Variants in OSTN observed in about 807,000 individuals in gnomAD.
OSTN encodes the protein osteocrin.
Under a neutral mutation model 12.0 loss-of-function variants are expected in OSTN, and 9 were observed. That is an observed-to-expected ratio of 0.75 (90% CI 0.45 to 1.30). OSTN has a LOEUF of 1.30. Among genes scored for constraint, OSTN ranks in the 50% most tolerant of loss-of-function variants. The probability of loss-of-function intolerance (pLI) is 0.00; values close to 1 mark genes in which losing one functional copy is unlikely to be tolerated. For missense variants in OSTN, 148 were observed against 152.3 expected (o/e 0.97, Z 0.15); for synonymous variants, 59 against 56.9 (o/e 1.04, Z -0.16).
At chr3:191,233,532 G>C (rs1271561286) in intron 3 of OSTN, among the ~76,000 whole-genome samples, 1 of 152,000 alleles carries the variant, frequency 6.6e-6, no homozygotes, top group Non-Finnish European at 1.5e-5. Context: ...CACATCCCGG[G>C]TTCTAGCGAT....
At chr3:191,239,985 G>C (rs931439718) in intron 3 of OSTN, among the ~76,000 whole-genome samples, 5 of 152,176 alleles carry the variant, frequency 3.3e-5, no homozygotes, top group African/African-American at 9.7e-5. Flanking sequence ...CAGATGTAAA[G>C]ACACACTTTA....
intron 2 of OSTN, 151 bp downstream of exon 2, chr3:191,212,785 G>T (rs1248905911): frequency 8.4e-5 from 13 of 154,072 alleles, no homozygotes; most frequent in South Asian, 4.3e-4. Flanking sequence ...ATTTTATATA[G>T]AATATATATT....
intron 3 of OSTN, among the ~76,000 whole-genome samples, chr3:191,223,253 G>GTTTTAC (rs2108535903): frequency 6.6e-6 from 1 of 152,256 alleles, no homozygotes; most frequent in South Asian, 2.1e-4. Context: ...TTTCACGTAT[G>GTTTTAC]AAAGCTACAA....
At chr3:191,211,940 T>C (rs1029505468) in intron 1 of OSTN, among the ~76,000 whole-genome samples, 1 of 152,146 alleles carries the variant, frequency 6.6e-6, no homozygotes, top group Non-Finnish European at 1.5e-5. Context: ...CATTAAGTAA[T>C]TTGTCTTTTT....
chr3:191,261,138 C>T (rs1230780453), intron 4 of OSTN, among the ~76,000 whole-genome samples: 1 of 152,090 alleles, frequency 6.6e-6, no homozygotes, highest in Admixed American at 6.6e-5. Context: ...ATTTTAATCT[C>T]GCTGCTCACT....
intron 4 of OSTN, among the ~76,000 whole-genome samples, chr3:191,260,614 C>T (rs987689026): frequency 1.3e-5 from 2 of 152,094 alleles, no homozygotes; most frequent in Non-Finnish European, 2.9e-5. Flanking sequence ...TTATGACAAA[C>T]CCCCGCCCCC....
chr3:191,205,859 C>T (rs908481611), intron 1 of OSTN, among the ~76,000 whole-genome samples: 13 of 151,774 alleles, frequency 8.6e-5, no homozygotes, highest in African/African-American at 3.1e-4. Context: ...CTGACTTATG[C>T]ATGATAGGAA....
intron 4 of OSTN, among the ~76,000 whole-genome samples, chr3:191,256,378 G>T (rs1298381173): frequency 1.3e-5 from 2 of 152,090 alleles, no homozygotes; most frequent in Non-Finnish European, 2.9e-5. Flanking sequence ...AAAGGTAGTT[G>T]AGGTAAAAAA....
intron 3 of OSTN, among the ~76,000 whole-genome samples, chr3:191,232,017 G>A (rs1203212766): frequency 1.3e-5 from 2 of 151,738 alleles, no homozygotes; most frequent in Non-Finnish European, 2.9e-5. Context: ...CCTAAAATAA[G>A]ATGTAAAGAT....
chr3:191,248,694 C>A (rs1715491914), intron 3 of OSTN, among the ~76,000 whole-genome samples: 1 of 152,168 alleles, frequency 6.6e-6, no homozygotes, highest in Non-Finnish European at 1.5e-5. Flanking sequence ...TACCTTTAAT[C>A]CCAGCAGTTC....
chr3:191,230,152 A>C (rs1320649932), intron 3 of OSTN, among the ~76,000 whole-genome samples: 1 of 152,168 alleles, frequency 6.6e-6, no homozygotes, highest in Non-Finnish European at 1.5e-5. Context: ...AAACATTTTC[A>C]AATTCAGTAA....
At chr3:191,231,690 C>T (rs1022595781) in intron 3 of OSTN, among the ~76,000 whole-genome samples, 1 of 152,024 alleles carries the variant, frequency 6.6e-6, no homozygotes, top group Non-Finnish European at 1.5e-5. Flanking sequence ...ATGTTTTTCC[C>T]CTTATCAGGC....
intron 3 of OSTN, among the ~76,000 whole-genome samples, chr3:191,232,369 A>G (rs1715081207): frequency 6.7e-6 from 1 of 148,882 alleles, no homozygotes; most frequent in Admixed American, 6.7e-5. Context: ...AAATTGTTGT[A>G]ACTAGTGCAG....
At chr3:191,262,796 A>G (rs1435612958) in intron 4 of OSTN, 70 bp from the exon 5 acceptor site, 8 of 693,070 alleles carry the variant, frequency 1.2e-5, no homozygotes, top group Non-Finnish European at 1.8e-5. Context: ...TCTCAAGTGA[A>G]GTTGATGGAC....
At chr3:191,221,256 A>G (rs1254433946) in intron 3 of OSTN, among the ~76,000 whole-genome samples, 1 of 152,180 alleles carries the variant, frequency 6.6e-6, no homozygotes, top group Non-Finnish European at 1.5e-5. Context: ...AGTCTCAGGT[A>G]TGTCCTTCAT....
chr3:191,212,453 A>C, intron 1 of OSTN, 80 bp from the exon 2 acceptor site: 1 of 836,860 alleles, frequency 1.2e-6, no homozygotes, highest in Non-Finnish European at 1.8e-6. Flanking sequence ...TTTGCCTCTA[A>C]CAGTCCTTTT....
chr3:191,216,738 G>C (rs188179835), intron 2 of OSTN, among the ~76,000 whole-genome samples: 2 of 152,162 alleles, frequency 1.3e-5, no homozygotes, highest in African/African-American at 4.8e-5. Context: ...CTTTGCTCCA[G>C]TTCCCAACAA....
intron 2 of OSTN, among the ~76,000 whole-genome samples, chr3:191,215,081 G>A (rs1363267116): frequency 6.6e-6 from 1 of 152,208 alleles, no homozygotes; most frequent in Non-Finnish European, 1.5e-5. Flanking sequence ...TTGACTTATA[G>A]TTCTGCATGG....
At chr3:191,205,435 T>A (rs1309565308) in intron 1 of OSTN, among the ~76,000 whole-genome samples, 1 of 147,792 alleles carries the variant, frequency 6.8e-6, no homozygotes, top group Non-Finnish European at 1.5e-5. Flanking sequence ...TCACGTCAAG[T>A]AAAAAAAAAT....
Sources: allele counts gnomAD v4.1 joint callset (sites outside exome capture counted in the v4.1 genomes callset), GRCh38; gene constraint gnomAD v4.1.1; transcripts MANE v1.5; gene names NCBI Gene and HGNC (gene_info 2026-07-23, HGNC 2026-07-21).